The following SLC25A36 variants were observed in gnomAD, a reference collection of about 807,000 sequenced individuals.
The protein encoded by SLC25A36 is solute carrier family 25 member 36.
In SLC25A36, 24 loss-of-function variants were observed where a neutral mutation model predicts 35.3. That is an observed-to-expected ratio of 0.68 (90% CI 0.49 to 0.96). The LOEUF is 0.96. Ranked by LOEUF, SLC25A36 falls within the 40% of genes least tolerant of loss-of-function variation. The probability of loss-of-function intolerance (pLI) is 0.00; values close to 1 mark genes in which losing one functional copy is unlikely to be tolerated. For missense variants in SLC25A36, 294 were observed against 381.1 expected, an observed-to-expected ratio of 0.77 and a Z score of 1.90; for synonymous variants, 141 against 132.2, an observed-to-expected ratio of 1.07 and a Z score of -0.46.
rs1935131843 is a variant in SLC25A36, at chr3:140,979,360, C to G, written c.*2907C>G. The G allele has an allele frequency of 6.6e-6, 1 of 152,244 alleles. No individual in the cohort carries two copies. Among genetic ancestry groups the G allele is most frequent in the Non-Finnish European group, 1.5e-5 (1 of 67,990 alleles). The allele number at this position is 152,244 out of a possible 1,614,324, so 9.4% of individuals were successfully genotyped here. Reference sequence around the variant, plus strand: ...TATTCGGATTTGAAGGATTTAAGTGCTAAAAATCAATCCATTTCTTGCCCT... The same window carrying G: ...TATTCGGATTTGAAGGATTTAAGTGGTAAAAATCAATCCATTTCTTGCCCT... On this transcript the variant is annotated 3_prime_UTR_variant, in exon 7 of 7. Coordinates refer to ENST00000324194, the MANE Select transcript of SLC25A36 (RefSeq NM_001104647.3).
chr3:140,942,352 A>C, intron 1 of SLC25A36: 1 of 371,202 alleles, frequency 2.7e-6, no homozygotes, highest in Non-Finnish European at 4.8e-6. Context: ...AAGAGGGTTG[A>C]GGCATGAAAC....
chr3:140,962,017 C>T (rs1459135955), intron 3 of SLC25A36, among the ~76,000 whole-genome samples: 2 of 151,810 alleles, frequency 1.3e-5, no homozygotes, highest in South Asian at 2.1e-4. Flanking sequence ...ATTTTTGGTG[C>T]AGTCATACTT....
At chr3:140,960,500 A>G (rs995709751) in intron 3 of SLC25A36, among the ~76,000 whole-genome samples, 1 of 152,212 alleles carries the variant, frequency 6.6e-6, no homozygotes, top group Admixed American at 6.5e-5. Context: ...AATAGAACCA[A>G]AGGACTAGGA....
intron 5 of SLC25A36, 63 bp downstream of exon 5, chr3:140,971,056 G>T: frequency 1.4e-6 from 1 of 738,064 alleles, no homozygotes; most frequent in South Asian, 1.6e-5. Flanking sequence ...TTTCTACAAA[G>T]TTTTTCTTTC....
Position 140,970,976 on chromosome 3 carries a change from G to T in SLC25A36, c.435G>T (p.Arg145=). The change falls in exon 5 of 7, where the codon CGG becomes CGT. Residue 145 remains arginine, a synonymous_variant. Transcript: ENST00000324194. ...ACCCCATTTGGCTTATAAAGACTCG[G>T]TTACAGCTTGATGCAAGGTATGTTA... ...ATNPIWLIKT[R]LQLDARNRGE... 6.8e-7 allele frequency: 1 copy of T among 1,477,206 alleles called. No homozygotes were observed. Among genetic ancestry groups the T allele is most frequent in the Non-Finnish European group, 9.5e-7 (1 of 1,056,842 alleles). The allele number at this position is 1,477,206 out of a possible 1,614,324, so 91.5% of individuals were successfully genotyped here.
intron 3 of SLC25A36, among the ~76,000 whole-genome samples, chr3:140,960,115 G>A (rs540017976): frequency 2.8e-4 from 42 of 152,188 alleles, no homozygotes; most frequent in Middle Eastern, 3.4e-3. Flanking sequence ...AAATACTCTC[G>A]TAGCTAGTGG....
rs988558994 is a variant in SLC25A36 at position 140,941,900 on chromosome 3, C to T, written c.-155C>T. On this transcript the variant is annotated 5_prime_UTR_variant, in exon 1 of 7. Transcript: ENST00000324194. ...CGCGGCTGGAGTGCCGCGGGGAGGG[C>T]TGTGCCGGTTGCTTTCTGCAGCCGC... 3 of 527,462 alleles carry T rather than the reference C, an allele frequency of 5.7e-6. No homozygotes were observed. Among genetic ancestry groups the T allele is most frequent in the Admixed American group, 4.0e-5 (1 of 24,740 alleles). The allele number at this position is 527,462 out of a possible 1,614,324, so 32.7% of individuals were successfully genotyped here.
chr3:140,959,018 TC>T (rs1390692716), intron 2 of SLC25A36, among the ~76,000 whole-genome samples: 11 of 145,422 alleles, frequency 7.6e-5, no homozygotes, highest in East Asian at 2.1e-4. Flanking sequence ...GTTTTCTTTT[TC>T]TTTTTTTTTT....
At chr3:140,965,802 A>G (rs1934743472) in intron 4 of SLC25A36, 1 of 151,744 alleles carries the variant, frequency 6.6e-6, no homozygotes, top group South Asian at 2.1e-4. Context: ...GACCTTTGAC[A>G]GACTAAGTAT....
chr3:140,943,039 A>G (rs1934061259), intron 1 of SLC25A36, among the ~76,000 whole-genome samples: 2 of 152,196 alleles, frequency 1.3e-5, no homozygotes, highest in African/African-American at 2.4e-5. Flanking sequence ...TAGTTCCCTG[A>G]TTGCCAAAAT....
rs892639721 is a variant in SLC25A36, at chr3:140,977,790, G to A, written c.*1337G>A. 6.6e-6 allele frequency: 1 copy of A among 152,020 alleles called. No homozygotes were observed. Among genetic ancestry groups the A allele is most frequent in the Admixed American group, 6.6e-5 (1 of 15,256 alleles). The allele number at this position is 152,020 out of a possible 1,614,324, so 9.4% of individuals were successfully genotyped here. On this transcript the variant is annotated 3_prime_UTR_variant, in exon 7 of 7. Transcript: ENST00000324194. ...TAAAAACTGCCGCAATTGGACGCCG[G>A]TGTGGTACTCATTTCAGTATACCTG...
At chr3:140,974,459 C>A (rs1457680608) in intron 6 of SLC25A36, among the ~76,000 whole-genome samples, 1 of 152,092 alleles carries the variant, frequency 6.6e-6, no homozygotes, top group Non-Finnish European at 1.5e-5. Flanking sequence ...TGCCCAAGGT[C>A]ACATACCTAC....
intron 4 of SLC25A36, chr3:140,966,218 G>A (rs541089531): frequency 1.5e-3 from 240 of 163,036 alleles, no homozygotes; most frequent in Non-Finnish European, 1.9e-3. Flanking sequence ...TACAGGTATT[G>A]TCTTGCATTT....
chr3:140,965,917 T>G (rs1934746147), intron 4 of SLC25A36: 1 of 152,042 alleles, frequency 6.6e-6, no homozygotes, highest in Non-Finnish European at 1.5e-5. Context: ...CAAAAAAAAT[T>G]TGTTAAATTA....
Position 140,976,635 on chromosome 3 carries a change from T to TTAAA in SLC25A36, c.*182_*183insTAAA. On this transcript the variant is annotated 3_prime_UTR_variant, in exon 7 of 7. Transcript: ENST00000324194. ...CACATTACTTGGCCTTTCGGTAATG[T>TTAAA]GAAAAAAAAAAAAAACCTCAGAGCC... 1 of 206,392 alleles carries TTAAA rather than the reference T, an allele frequency of 4.8e-6. No homozygotes were observed. Among genetic ancestry groups the TTAAA allele is most frequent in the Non-Finnish European group, 7.5e-6 (1 of 132,678 alleles). 12.8% of individuals were successfully genotyped at this position (206,392 alleles called of 1,614,324 possible). A position where few individuals can be genotyped will look rare whatever the true frequency, so the allele number is the denominator to read the frequency against.
rs1559817812 is a variant in SLC25A36 at position 140,973,899 on chromosome 3, A to G, written c.636A>G (p.Thr212=). The change falls in exon 6 of 7, where the codon ACA becomes ACG. Residue 212 remains threonine, a synonymous_variant. Transcript: ENST00000324194. ...TACTGGAATATAAGACTGCTTCTAC[A>G]ATGGAAAATGATGAAGAGTCTGTGA... is the stretch of plus-strand genomic sequence containing the variant. The part of the protein sequence containing the change: ...QKLLEYKTAS[T]MENDEESVKE... The G allele has an allele frequency of 6.2e-7, 1 of 1,613,272 alleles. No homozygotes were observed. Among genetic ancestry groups the G allele is most frequent in the African/African-American group, 1.3e-5 (1 of 75,026 alleles).
At chr3:140,974,500 T>A (rs761334482) in intron 6 of SLC25A36, among the ~76,000 whole-genome samples, 4 of 152,152 alleles carry the variant, frequency 2.6e-5, no homozygotes, top group Non-Finnish European at 5.9e-5. Flanking sequence ...TGAATTAAAG[T>A]CTGTAATCCC....
intron 6 of SLC25A36, among the ~76,000 whole-genome samples, chr3:140,974,312 C>T (rs1394262970): frequency 1.3e-5 from 2 of 151,920 alleles, no homozygotes; most frequent in South Asian, 2.1e-4. Context: ...AGGTGCTATA[C>T]TAGATAGTTT....
chr3:140,952,310 G>A (rs1039497490), intron 1 of SLC25A36, among the ~76,000 whole-genome samples: 13 of 152,126 alleles, frequency 8.5e-5, no homozygotes, highest in African/African-American at 2.4e-4. Flanking sequence ...GAGCCACAAC[G>A]CCCGGCCTCT....
Sources: allele counts gnomAD v4.1 joint callset (sites outside exome capture counted in the v4.1 genomes callset), GRCh38; gene constraint gnomAD v4.1.1; transcripts MANE v1.5; gene names NCBI Gene and HGNC (gene_info 2026-07-23, HGNC 2026-07-21).